Variants in LDLRAD4 observed in about 807,000 individuals in gnomAD.
LDLRAD4 encodes the protein low-density lipoprotein receptor class A domain-containing protein 4.
A neutral mutation model predicts 17.0 loss-of-function variants in LDLRAD4; 5 were observed. The observed-to-expected ratio is 0.29, with a 90% CI of 0.15 to 0.62. The LOEUF (loss-of-function observed/expected upper bound fraction) is 0.62. LDLRAD4 is among the 20% of genes least tolerant of loss of function. LDLRAD4 has a pLI of 0.84. For missense variants in LDLRAD4, 340 were observed against 424.7 expected, an observed-to-expected ratio of 0.80 and a Z score of 1.75; for synonymous variants, 168 against 171.8, an observed-to-expected ratio of 0.98 and a Z score of 0.17.
At chr18:13,427,297 A>G (rs2090014319) in intron 2 of LDLRAD4, 1 of 152,700 alleles carries the variant, frequency 6.5e-6, no homozygotes, top group Non-Finnish European at 1.5e-5. Context: ...GAAGGATTCT[A>G]GGCAGATGCC....
At chr18:13,338,411 C>T (rs996715072) in intron 1 of LDLRAD4, among the ~76,000 whole-genome samples, 11 of 125,154 alleles carry the variant, frequency 8.8e-5, no homozygotes, top group African/African-American at 3.0e-4. Flanking sequence ...CAGAGAGATC[C>T]GAAAACAGTT....
At position 13,386,929 on chromosome 18, in the gene LDLRAD4, TA is replaced by T. The variant is rs1568082739; in HGVS notation, c.-382-411del. The stretch of plus-strand genomic sequence containing the variant: ...ATAGATAGATAGATAGATAGATAGA[TA>T]GATAGATAGATAGATAGATGGATGG... On this transcript the variant is annotated intron_variant, in intron 1 of 5. Coordinates refer to ENST00000359446, the Ensembl canonical transcript of LDLRAD4. 5.4e-4 allele frequency among the ~76,000 whole-genome samples: 80 copies of T among 147,532 alleles called. 1 individual carries two copies. The East Asian group carries it at 0.01, about 19-fold the overall frequency.
chr18:13,458,080 A>G (rs2092238307), intron 3 of LDLRAD4, among the ~76,000 whole-genome samples: 1 of 152,088 alleles, frequency 6.6e-6, no homozygotes, highest in African/African-American at 2.4e-5. Flanking sequence ...TTCTTGCTGA[A>G]AAGTGTGGTA....
At chr18:13,558,057 C>G (rs1163189666) in intron 3 of LDLRAD4, among the ~76,000 whole-genome samples, 6 of 152,192 alleles carry the variant, frequency 3.9e-5, no homozygotes, top group Non-Finnish European at 8.8e-5. Flanking sequence ...GTAGGGCGCT[C>G]TGGGAAACTG....
intron 3 of LDLRAD4, among the ~76,000 whole-genome samples, chr18:13,586,091 T>C (rs974069790): frequency 3.4e-4 from 51 of 151,926 alleles, no homozygotes; most frequent in Admixed American, 3.3e-3. Flanking sequence ...GCAACCTAGA[T>C]GTTGAAAAAA....
Position 13,295,004 on chromosome 18 carries a change from G to T in LDLRAD4, c.-383+16816G>T, listed in dbSNP as rs8084225. ...GCACAAGGACTTTGTAGTATCAAGC[G>T]CAATAAAGGTCATGCGTTGGATTCA... On this transcript the variant is annotated intron_variant, in intron 1 of 5. Coordinates refer to ENST00000359446, the Ensembl canonical transcript of LDLRAD4. Among the ~76,000 whole-genome samples, 1,256 of 151,838 alleles carry T rather than the reference G, an allele frequency of 8.3e-3. 17 individuals are homozygous for T. Among genetic ancestry groups the T allele is most frequent in the African/African-American group, 0.028 (1,176 of 41,344 alleles).
chr18:13,468,842 G>A (rs2092693759), intron 3 of LDLRAD4, among the ~76,000 whole-genome samples: 2 of 125,156 alleles, frequency 1.6e-5, no homozygotes, highest in Admixed American at 1.9e-4. Flanking sequence ...ACACACCGGG[G>A]CCTGTTGTGG....
intron 3 of LDLRAD4, among the ~76,000 whole-genome samples, chr18:13,587,179 C>A (rs1046271100): frequency 1.3e-5 from 2 of 152,174 alleles, no homozygotes; most frequent in Admixed American, 1.3e-4. Context: ...ATGCCCAGAG[C>A]TCCCAGTAGA....
intron 4 of LDLRAD4, among the ~76,000 whole-genome samples, chr18:13,630,823 A>G (rs1321286538): frequency 6.6e-6 from 1 of 152,250 alleles, no homozygotes; most frequent in Non-Finnish European, 1.5e-5. Context: ...CAATACTTAC[A>G]GTGTGCTCAG....
chr18:13,282,380 G>A (rs112922674), intron 1 of LDLRAD4, among the ~76,000 whole-genome samples: 1 of 152,136 alleles, frequency 6.6e-6, no homozygotes, highest in Admixed American at 6.5e-5. Flanking sequence ...CTGCCTGTGA[G>A]CCTGTAAAAT....
chr18:13,385,409 A>G (rs2085721386), intron 1 of LDLRAD4, among the ~76,000 whole-genome samples: 1 of 152,016 alleles, frequency 6.6e-6, no homozygotes, highest in Non-Finnish European at 1.5e-5. Flanking sequence ...GCTTGCAAAT[A>G]TTTTCTCCCA....
intron 3 of LDLRAD4, among the ~76,000 whole-genome samples, chr18:13,484,526 C>T (rs1292020376): frequency 6.6e-6 from 1 of 152,168 alleles, no homozygotes; most frequent in Non-Finnish European, 1.5e-5. Context: ...GTGGGAGCCT[C>T]TGTTGCTGGA....
Position 13,398,306 on chromosome 18 carries a change from G to C in LDLRAD4, c.40+10544G>C, listed in dbSNP as rs1389459450. Among the ~76,000 whole-genome samples the C allele has an allele frequency of 6.6e-6, 1 of 152,186 alleles. No homozygotes were observed. The highest frequency in any genetic ancestry group is 1.5e-5 in the Non-Finnish European group (1 of 68,042). ...TAACCTCACTGGCGTTTGTCATTCTGCTTTTGGAATGCTTAGGCGTGAAAG... is the reference window on the plus strand; with the variant it reads ...TAACCTCACTGGCGTTTGTCATTCTCCTTTTGGAATGCTTAGGCGTGAAAG... On this transcript the variant is annotated intron_variant, in intron 2 of 5. Coordinates refer to ENST00000359446, the Ensembl canonical transcript of LDLRAD4. The surrounding 1 kb of genome is among the most constrained non-coding windows in gnomAD (Gnocchi z 4.8).
intron 2 of LDLRAD4, among the ~76,000 whole-genome samples, chr18:13,424,439 T>C (rs1352050940): frequency 6.6e-6 from 1 of 152,178 alleles, no homozygotes; most frequent in African/African-American, 2.4e-5. Context: ...ACTTCTCTTT[T>C]CCCCTCCCTT....
At chr18:13,490,588 G>A (rs984220418) in intron 3 of LDLRAD4, 1 of 146,790 alleles carries the variant, frequency 6.8e-6, no homozygotes, top group African/African-American at 2.5e-5. Context: ...AAAAATATAC[G>A]TGGGTGTTTC....
chr18:13,250,515 C>A (rs969533871), intron 1 of LDLRAD4, among the ~76,000 whole-genome samples: 15 of 151,738 alleles, frequency 9.9e-5, no homozygotes, highest in Non-Finnish European at 1.6e-4. Context: ...GAGAAAAATA[C>A]CCAAATAAAT....
intron 1 of LDLRAD4, among the ~76,000 whole-genome samples, chr18:13,368,443 G>C (rs1555662301): frequency 6.6e-6 from 1 of 152,140 alleles, no homozygotes; most frequent in Non-Finnish European, 1.5e-5. Flanking sequence ...GGGAGCTGCA[G>C]TTATGCACAG....
At chr18:13,349,126 A>G (rs2082891361) in intron 1 of LDLRAD4, among the ~76,000 whole-genome samples, 1 of 152,210 alleles carries the variant, frequency 6.6e-6, no homozygotes, top group African/African-American at 2.4e-5. Flanking sequence ...ACCCGGTACC[A>G]CAGTTTGAAA....
At chr18:13,364,389 G>A (rs1428989449) in intron 1 of LDLRAD4, among the ~76,000 whole-genome samples, 3 of 152,106 alleles carry the variant, frequency 2.0e-5, no homozygotes, top group African/African-American at 7.2e-5. Flanking sequence ...CCAGGCTGAA[G>A]TGCGGTGGTG....
Sources: gnomAD v4.1 joint callset for allele counts (sites outside exome capture counted in the v4.1 genomes callset) on GRCh38, gnomAD v4.1.1 for gene constraint, Gnocchi (gnomAD v3.1) non-coding constraint, MANE v1.5 for transcripts, NCBI Gene and HGNC (gene_info 2026-07-23, HGNC 2026-07-21) for gene names.